Variants in MPDZ observed in about 807,000 individuals in gnomAD.
MPDZ encodes the protein multiple PDZ domain protein.
Under a neutral mutation model 239.1 loss-of-function variants are expected in MPDZ, and 234 were observed. The ratio of observed to expected loss-of-function variants is 0.98; its 90% CI spans 0.88 to 1.09. The LOEUF (loss-of-function observed/expected upper bound fraction) is 1.09, where lower values mean the gene tolerates loss of function less well. Ranked by LOEUF, MPDZ falls within the 50% of genes least tolerant of loss-of-function variation. The pLI is 0.00. For synonymous variants in MPDZ, 1,048 were observed against 881.3 expected, an observed-to-expected ratio of 1.19 and a Z score of -3.35; for missense variants, 3,175 against 2,510.0, an observed-to-expected ratio of 1.26 and a Z score of -5.66.
At position 13,138,150 on chromosome 9, in the gene MPDZ, T is replaced by C. The variant is rs781048112; in HGVS notation, c.4007A>G (p.Asn1336Ser). ...TAGGGTTCCATAACGCTCTCTGATA[T>C]TTTCTACATACAACAACAACAACAA... ...KEDEFGYSWK[N>S]IRERYGTLTG... The change falls in exon 29 of 47, where the codon AAT (asparagine) becomes AGT (serine). Residue 1336 changes from asparagine to serine, a missense_variant. Transcript: ENST00000319217. The C allele has an allele frequency of 3.2e-6, 5 of 1,572,894 alleles. No individual in the cohort carries two copies. In the East Asian group the frequency reaches 1.1e-4, roughly 36 times the overall value.
chr9:13,138,265 G>A, intron 28 of MPDZ, 112 bp from the exon 29 acceptor site: 5 of 1,185,594 alleles, frequency 4.2e-6, no homozygotes, highest in Non-Finnish European at 5.7e-6. Context: ...ATACCAAAAT[G>A]TACGCTTTGA....
Position 13,183,429 on chromosome 9 carries a change from A to C in MPDZ, c.2638T>G (p.Ser880Ala). 1 of 1,606,124 alleles carries C rather than the reference A, an allele frequency of 6.2e-7. No homozygotes were observed. Among genetic ancestry groups the C allele is most frequent in the Non-Finnish European group, 8.5e-7 (1 of 1,177,264 alleles). Reference protein sequence around the residue: ...GLNYGSSLPSSPPKDVIENSC... With the variant: ...GLNYGSSLPSAPPKDVIENSC... ...CTTTTCCTTTGTACCTTAGGAGGAG[A>C]TGATGGAAGGGAAGAACCATAGTTC... is the stretch of plus-strand genomic sequence containing the variant. The change falls in exon 19 of 47, where the codon TCT becomes GCT. Residue 880 changes from serine to alanine, a missense_variant. Coordinates refer to ENST00000319217, the MANE Select transcript of MPDZ (RefSeq NM_001378778.1).
intron 8 of MPDZ, among the ~76,000 whole-genome samples, chr9:13,218,211 C>G (rs753119862): frequency 2.0e-5 from 3 of 151,738 alleles, no homozygotes; most frequent in Non-Finnish European, 2.9e-5. Context: ...ACATAATTAT[C>G]TGTGCAAACT....
rs1012365584 is a variant in MPDZ at position 13,277,243 on chromosome 9, T to G, written c.-58+2157A>C. Reference sequence around the variant, plus strand: ...TTCAGGCCTAGTCAATAAAAAGGAGTGTGGTAAAGGGACAAAGAAAACCAG... The same window carrying G: ...TTCAGGCCTAGTCAATAAAAAGGAGGGTGGTAAAGGGACAAAGAAAACCAG... On this transcript the variant is annotated intron_variant, in intron 1 of 46. Coordinates refer to ENST00000319217, the MANE Select transcript of MPDZ (RefSeq NM_001378778.1). Among the ~76,000 whole-genome samples, 6 of 150,382 alleles carry G rather than the reference T, an allele frequency of 4.0e-5. No homozygotes were observed. In the South Asian group the frequency reaches 1.3e-3, roughly 32 times the overall value.
intron 3 of MPDZ, among the ~76,000 whole-genome samples, chr9:13,239,207 A>G (rs1173262697): frequency 6.6e-6 from 1 of 152,204 alleles, no homozygotes; most frequent in African/African-American, 2.4e-5. Context: ...CTGAGATCAG[A>G]TAATCATAAG....
intron 19 of MPDZ, among the ~76,000 whole-genome samples, chr9:13,180,639 A>G (rs2134376315): frequency 6.6e-6 from 1 of 152,320 alleles, no homozygotes; most frequent in Non-Finnish European, 1.5e-5. Flanking sequence ...ATATCTTTGG[A>G]GGTAACAAGG....
rs1826648 is a variant in MPDZ at position 13,255,975 on chromosome 9, T to A, written c.-57-5603A>T. Among the ~76,000 whole-genome samples the A allele has an allele frequency of 7.3e-3, 1,107 of 152,328 alleles. 12 individuals are homozygous for A. Among genetic ancestry groups the A allele is most frequent in the African/African-American group, 0.024 (1,009 of 41,570 alleles). ...CTGATAGCCTCTTCTTTCAATATAATGCTGTTTTATCTACATTAAAAATCT... is the reference window on the plus strand; with the variant it reads ...CTGATAGCCTCTTCTTTCAATATAAAGCTGTTTTATCTACATTAAAAATCT... On this transcript the variant is annotated intron_variant, in intron 1 of 46. Coordinates refer to ENST00000319217, the MANE Select transcript of MPDZ (RefSeq NM_001378778.1).
intron 46 of MPDZ, among the ~76,000 whole-genome samples, chr9:13,108,116 C>T (rs1428796013): frequency 6.6e-6 from 1 of 151,966 alleles, no homozygotes; most frequent in African/African-American, 2.4e-5. Flanking sequence ...ACCACTAATC[C>T]AAAGGCCCTG....
At chr9:13,196,283 C>G (rs1587705287) in intron 12 of MPDZ, 53 bp from the exon 13 acceptor site, 2 of 1,250,734 alleles carry the variant, frequency 1.6e-6, no homozygotes, top group Non-Finnish European at 2.3e-6. Flanking sequence ...ATCTCCACAT[C>G]TTAACATCCT....
rs778841469 is a variant in MPDZ, at chr9:13,224,596, C to T, written c.184-13G>A. The T allele has an allele frequency of 1.9e-6, 3 of 1,545,186 alleles. No homozygotes were observed. Among genetic ancestry groups the T allele is most frequent in the East Asian group, 4.5e-5 (2 of 44,044 alleles). ...TTGCAATATTTACCTAAGAGTAATG[C>T]AGGGATTATTAAGAATTTTGACATT... is the stretch of plus-strand genomic sequence containing the variant. On this transcript the variant is annotated splice_polypyrimidine_tract_variant and intron_variant, in intron 3 of 46. Transcript: ENST00000319217.
rs775358913 is a variant in MPDZ, at chr9:13,138,090, C to A, written c.4067G>T (p.Gly1356Val). ...GELHMIELEK[G>V]HSGLGLSLAG... is the part of the protein sequence containing the mutation. ...AAGACTTAGGCCCAAACCACTATGA[C>A]CTTTCTCCAGTTCAATCATATGCAG... Residue 1356 changes from glycine to valine, a missense_variant, in exon 29 of 47, where the codon GGT (glycine) becomes GTT (valine). Physicochemically the swap from Gly to Val is moderately radical, Grantham distance 109 (BLOSUM62 -3). Transcript: ENST00000319217. The A allele has an allele frequency of 1.9e-6, 3 of 1,613,436 alleles. No individual in the cohort carries two copies. The African/African-American group carries it at 4.0e-5, about 21-fold the overall frequency.
chr9:13,176,312 C>A lies in MPDZ; in HGVS notation c.2755G>T (p.Val919Leu), dbSNP rs749903875. 66 of 1,609,890 alleles carry A rather than the reference C, an allele frequency of 4.1e-5. No individual in the cohort carries two copies. Among genetic ancestry groups the A allele is most frequent in the Non-Finnish European group, 5.2e-5 (61 of 1,177,908 alleles). The change falls in exon 20 of 47, where the codon GTG (valine) becomes TTG (leucine). Residue 919 changes from valine (V) to leucine (L), a missense_variant. Coordinates refer to ENST00000319217, the MANE Select transcript of MPDZ (RefSeq NM_001378778.1). ...LQRQDENTPSVDISMGPASGF... is the reference protein window; with the variant it reads ...LQRQDENTPSLDISMGPASGF... ...GAAGCAGGCCCCATACTTATGTCCA[C>A]CGAAGGTGTATTCTCATCCTGTCTT... is the stretch of plus-strand genomic sequence containing the variant.
At chr9:13,119,412 G>A in intron 39 of MPDZ, 90 bp downstream of exon 39, 1 of 1,435,160 alleles carries the variant, frequency 7.0e-7, no homozygotes, top group Non-Finnish European at 9.4e-7. Flanking sequence ...ATAAAGAGAA[G>A]TCATTACTAA....
At chr9:13,108,742 T>A (rs1941909848) in intron 46 of MPDZ, among the ~76,000 whole-genome samples, 194 bp downstream of exon 46, 1 of 152,184 alleles carries the variant, frequency 6.6e-6, no homozygotes, top group African/African-American at 2.4e-5. Flanking sequence ...TTGAGCCTAT[T>A]TTCCTTTAAA....
chr9:13,178,374 G>T (rs1952797933), intron 19 of MPDZ, among the ~76,000 whole-genome samples: 1 of 151,970 alleles, frequency 6.6e-6, no homozygotes, highest in African/African-American at 2.4e-5. Context: ...AGATTAGTTT[G>T]GCAATCTGAT....
Position 13,147,548 on chromosome 9 carries a change from C to T in MPDZ, c.3741G>A (p.Arg1247=), listed in dbSNP as rs1272664215. Residue 1247 remains arginine, a splice_region_variant and synonymous_variant, in exon 26 of 47, where the codon AGG becomes AGA. Transcript: ENST00000319217. ...TACCTTGCCCTTTGTGTTCGCTTAC[C>T]CTTGGTCTGTTTATAATGCTCTGTA... ...FMVQSIINRP[R]KSPLPSLLHN... 6.2e-7 allele frequency: 1 copy of T among 1,610,418 alleles called. No individual in the cohort carries two copies. The highest frequency in any genetic ancestry group is 8.5e-7 in the Non-Finnish European group (1 of 1,177,196).
chr9:13,273,821 A>G (rs1349212067), intron 1 of MPDZ, among the ~76,000 whole-genome samples: 1 of 152,230 alleles, frequency 6.6e-6, no homozygotes, highest in East Asian at 1.9e-4. Flanking sequence ...AAATTTTTTA[A>G]AATACGTTCT....
intron 41 of MPDZ, among the ~76,000 whole-genome samples, chr9:13,113,341 T>G (rs985742416): frequency 6.6e-6 from 1 of 152,100 alleles, no homozygotes; most frequent in African/African-American, 2.4e-5. Flanking sequence ...GTGTTTTGCA[T>G]AGAAAGGCAC....
At chr9:13,210,174 G>C (rs558898832) in intron 10 of MPDZ, among the ~76,000 whole-genome samples, 2 of 151,658 alleles carry the variant, frequency 1.3e-5, no homozygotes, top group Non-Finnish European at 2.9e-5. Flanking sequence ...AGCAAAGAGA[G>C]AGACTAGGTT....
Sources: allele counts gnomAD v4.1 joint callset (sites outside exome capture counted in the v4.1 genomes callset), GRCh38; gene constraint gnomAD v4.1.1; transcripts MANE v1.5; gene names NCBI Gene and HGNC (gene_info 2026-07-23, HGNC 2026-07-21).